The following ACVR1 variants were observed in gnomAD, a reference collection of about 807,000 sequenced individuals.
ACVR1 encodes activin A receptor type 1.
In ACVR1, 38 loss-of-function variants were observed where a neutral mutation model predicts 57.1. That is an observed-to-expected ratio of 0.67 (90% CI 0.51 to 0.87). The LOEUF (loss-of-function observed/expected upper bound fraction) is 0.87. ACVR1 is among the 40% of genes least tolerant of loss of function. ACVR1 has a pLI of 0.00. For missense variants in ACVR1, 463 were observed against 638.2 expected (o/e 0.73, Z 2.96); for synonymous variants, 212 against 228.1 (o/e 0.93, Z 0.63).
chr2:157,860,310 AC>A (rs1689677753), intron 1 of ACVR1: 1 of 152,234 alleles, frequency 6.6e-6, no homozygotes, highest in South Asian at 2.1e-4. Flanking sequence ...TCTCCGCTAA[AC>A]CCGGACAGTC....
At chr2:157,739,916 C>T (rs752046999) in intron 9 of ACVR1, among the ~76,000 whole-genome samples, 3 of 152,112 alleles carry the variant, frequency 2.0e-5, no homozygotes, top group East Asian at 1.9e-4. Context: ...TGGGTGTGGT[C>T]GTTCACGCCT....
intron 1 of ACVR1, among the ~76,000 whole-genome samples, chr2:157,844,234 G>T (rs1054113938): frequency 2.6e-4 from 39 of 152,182 alleles, no homozygotes; most frequent in African/African-American, 8.7e-4. Flanking sequence ...CCACTGGAAA[G>T]GATTCCAGTG....
chr2:157,850,715 G>C (rs936802553), intron 1 of ACVR1, among the ~76,000 whole-genome samples: 10 of 152,170 alleles, frequency 6.6e-5, no homozygotes, highest in African/African-American at 2.4e-4. Flanking sequence ...TCAGCACTTT[G>C]GGAGGCCAAG....
At chr2:157,872,635 T>C (rs1313699037) in intron 1 of ACVR1, among the ~76,000 whole-genome samples, 4 of 152,236 alleles carry the variant, frequency 2.6e-5, no homozygotes, top group Non-Finnish European at 5.9e-5. Context: ...AATTATTTCC[T>C]GGGGTCTTAT....
At chr2:157,850,746 C>G (rs1381148743) in intron 1 of ACVR1, among the ~76,000 whole-genome samples, 2 of 152,130 alleles carry the variant, frequency 1.3e-5, no homozygotes, top group Non-Finnish European at 2.9e-5. Context: ...CACTTGAGGT[C>G]AAGGGTTTGA....
At chr2:157,775,043 C>G (rs928329106) in intron 5 of ACVR1, among the ~76,000 whole-genome samples, 2 of 152,186 alleles carry the variant, frequency 1.3e-5, no homozygotes, top group African/African-American at 4.8e-5. Flanking sequence ...ACAAACAACT[C>G]TAATGTGATT....
At chr2:157,751,575 C>T (rs1299503635) in intron 9 of ACVR1, among the ~76,000 whole-genome samples, 1 of 152,200 alleles carries the variant, frequency 6.6e-6, no homozygotes, top group Non-Finnish European at 1.5e-5. Context: ...CCCTGCTGGC[C>T]CACTGCCTGG....
chr2:157,772,566 T>C (rs1686110201), intron 6 of ACVR1, among the ~76,000 whole-genome samples: 1 of 152,222 alleles, frequency 6.6e-6, no homozygotes, highest in Admixed American at 6.5e-5. Context: ...TAAAGGTGCA[T>C]TACTATTTTG....
chr2:157,848,359 A>C (rs1007993495), intron 1 of ACVR1, among the ~76,000 whole-genome samples: 3 of 152,218 alleles, frequency 2.0e-5, no homozygotes, highest in Admixed American at 2.0e-4. Context: ...GAGGAAGCTC[A>C]AAATAGCCCA....
intron 7 of ACVR1, among the ~76,000 whole-genome samples, chr2:157,768,912 T>A (rs1685975397): frequency 6.6e-6 from 1 of 152,232 alleles, no homozygotes; most frequent in Admixed American, 6.5e-5. Context: ...ATCCATTGCA[T>A]GTTTATTGTT....
At chr2:157,786,755 AT>A (rs1402897647) in intron 3 of ACVR1, among the ~76,000 whole-genome samples, 1 of 152,190 alleles carries the variant, frequency 6.6e-6, no homozygotes, top group Non-Finnish European at 1.5e-5. Flanking sequence ...ACTCTGGGCT[AT>A]GGTGATTAGA....
chr2:157,872,406 C>T (rs1690140633), intron 1 of ACVR1, among the ~76,000 whole-genome samples: 1 of 152,106 alleles, frequency 6.6e-6, no homozygotes, highest in Non-Finnish European at 1.5e-5. Flanking sequence ...TATTCTTTGC[C>T]CCATCCCAAG....
chr2:157,827,347 A>C (rs1688420720), intron 1 of ACVR1, among the ~76,000 whole-genome samples: 1 of 152,236 alleles, frequency 6.6e-6, no homozygotes, highest in Admixed American at 6.5e-5. Context: ...AAAACAAAAG[A>C]AAACAAAATC....
At chr2:157,773,434 C>T (rs1302526865) in intron 6 of ACVR1, among the ~76,000 whole-genome samples, 24 of 152,206 alleles carry the variant, frequency 1.6e-4, no homozygotes, top group Admixed American at 1.6e-3. Flanking sequence ...GTTACACTAT[C>T]ATTCCACGGA....
intron 3 of ACVR1, among the ~76,000 whole-genome samples, chr2:157,792,301 CA>C (rs1272848027): frequency 6.6e-6 from 1 of 152,170 alleles, no homozygotes; most frequent in African/African-American, 2.4e-5. Flanking sequence ...TTAGATGTAG[CA>C]TTAACCATGG....
intron 7 of ACVR1, among the ~76,000 whole-genome samples, chr2:157,766,514 A>C (rs1340376153): frequency 1.3e-5 from 2 of 152,228 alleles, no homozygotes; most frequent in East Asian, 3.8e-4. Flanking sequence ...CAAGCCCTTC[A>C]GCATGTTGAT....
chr2:157,792,497 G>A (rs931898808), intron 3 of ACVR1, among the ~76,000 whole-genome samples: 5 of 152,184 alleles, frequency 3.3e-5, no homozygotes, highest in Non-Finnish European at 7.4e-5. Flanking sequence ...AAAGGTTCTA[G>A]ACCAGCTTTG....
intron 8 of ACVR1, 27 bp downstream of exon 8, chr2:157,765,894 A>AG: frequency 1.2e-6 from 2 of 1,612,646 alleles, no homozygotes. Flanking sequence ...AAAACTGGTG[A>AG]GGAAAAAAAT....
At chr2:157,854,102 G>A (rs1269955515) in intron 1 of ACVR1, among the ~76,000 whole-genome samples, 2 of 150,532 alleles carry the variant, frequency 1.3e-5, no homozygotes, top group Non-Finnish European at 2.9e-5. Context: ...TGGTCTCAGT[G>A]TCACCAACAC....
Sources: gnomAD v4.1 joint callset for allele counts (sites outside exome capture counted in the v4.1 genomes callset) on GRCh38, gnomAD v4.1.1 for gene constraint, MANE v1.5 for transcripts, NCBI Gene and HGNC (gene_info 2026-07-23, HGNC 2026-07-21) for gene names.